NIBAN2: variants seen among roughly 807,000 people sequenced by gnomAD.
The protein encoded by NIBAN2 is protein Niban 2.
NIBAN2 carries 36 observed loss-of-function variants against 81.8 expected under a neutral mutation model. That is an observed-to-expected ratio of 0.44 (90% CI 0.34 to 0.58). The LOEUF (loss-of-function observed/expected upper bound fraction) is 0.58, where lower values mean the gene tolerates loss of function less well. Ranked by LOEUF, NIBAN2 falls within the 20% of genes least tolerant of loss-of-function variation. NIBAN2 has a pLI of 0.02. For synonymous variants in NIBAN2, 445 were observed against 441.6 expected (o/e 1.01, Z -0.10); for missense variants, 897 against 1,014.1 (o/e 0.88, Z 1.57).
At chr9:127,573,238 A>AG (rs1366905158), upstream of NIBAN2, among the ~76,000 whole-genome samples, 1 of 151,764 alleles carries the variant, frequency 6.6e-6, no homozygotes, top group African/African-American at 2.4e-5. Flanking sequence ...GCAGGGAAGG[A>AG]GGGGTGGGCC....
At chr9:127,567,073 G>A (rs1242231258) in intron 1 of NIBAN2, among the ~76,000 whole-genome samples, 1 of 152,200 alleles carries the variant, frequency 6.6e-6, no homozygotes, top group Non-Finnish European at 1.5e-5. Flanking sequence ...ACCCTCTCCA[G>A]TAAAGGACAC....
At chr9:127,544,019 C>T (rs1837427458) in intron 1 of NIBAN2, among the ~76,000 whole-genome samples, 1 of 152,174 alleles carries the variant, frequency 6.6e-6, no homozygotes, top group African/African-American at 2.4e-5. Flanking sequence ...AAGTGACTTT[C>T]CCGATACTAC....
At chr9:127,531,830 T>C (rs753781374) in intron 1 of NIBAN2, 52 bp from the exon 2 acceptor site, 1 of 1,607,914 alleles carries the variant, frequency 6.2e-7, no homozygotes, top group Non-Finnish European at 8.5e-7. Context: ...TGCTGATGCA[T>C]CACGATCCTT....
At position 127,510,254 on chromosome 9, in the gene NIBAN2, C is replaced by G. The variant is rs1414408132; in HGVS notation, c.1053G>C (p.Met351Ile). ...CAGTGAAGCCCTGGCTGGTGGGGAC[C>G]ATCAGGGCCTCCAGGATGGATGGGA... ...PYIPSILEAL[M>I]VPTSQGFTEV... Residue 351 changes from methionine to isoleucine, a missense_variant, in exon 9 of 14, where the codon ATG (methionine) becomes ATC (isoleucine). Physicochemically the swap from Met to Ile is conservative, Grantham distance 10. Transcript: ENST00000373312. 8.1e-6 allele frequency: 13 copies of G among 1,614,044 alleles called. No individual in the cohort carries two copies. The highest frequency in any genetic ancestry group is 1.1e-5 in the Non-Finnish European group (13 of 1,179,930).
At chr9:127,542,495 G>A (rs1160152979) in intron 1 of NIBAN2, among the ~76,000 whole-genome samples, 2 of 152,322 alleles carry the variant, frequency 1.3e-5, no homozygotes, top group Non-Finnish European at 2.9e-5. Flanking sequence ...ACCCCCAAAA[G>A]AGAGCCACGA....
At position 127,509,084 on chromosome 9, in the gene NIBAN2, C is replaced by G. The variant is rs1277926473; in HGVS notation, c.1209G>C (p.Gln403His). 6.2e-7 allele frequency: 1 copy of G among 1,613,456 alleles called. No individual in the cohort carries two copies. The highest frequency in any genetic ancestry group is 1.1e-5 in the South Asian group (1 of 91,056). ...SRLAYHPLKM[Q>H]SCYEKMESLR... ...GCGACTCCATCTTCTCATAGCAGCT[C>G]TGCATCTTCAGGGGGTGGTACGCCA... Residue 403 changes from glutamine (Q) to histidine (H), a missense_variant, in exon 10 of 14, where the codon CAG becomes CAC. Physicochemically the swap from Gln to His is conservative, Grantham distance 24 (BLOSUM62 0). Around this residue, in one of 3 missense-constraint regions of NIBAN2, gnomAD observed 619 missense variants for 691.0 expected, o/e 0.90. Coordinates refer to ENST00000373312, the MANE Select transcript of NIBAN2 (RefSeq NM_022833.4).
At chr9:127,523,010 C>T (rs1002625001) in intron 5 of NIBAN2, among the ~76,000 whole-genome samples, 22 of 150,942 alleles carry the variant, frequency 1.5e-4, no homozygotes, top group African/African-American at 4.4e-4. Context: ...TTGTTGCACA[C>T]CCAGTGCCTA....
chr9:127,562,830 C>T (rs780003607), intron 1 of NIBAN2, among the ~76,000 whole-genome samples: 3 of 152,104 alleles, frequency 2.0e-5, no homozygotes, highest in Non-Finnish European at 2.9e-5. Flanking sequence ...GGAAAGTGAC[C>T]CTCTGTCCTC....
intron 1 of NIBAN2, among the ~76,000 whole-genome samples, chr9:127,562,808 G>C (rs567127932): frequency 2.6e-5 from 4 of 152,258 alleles, no homozygotes; most frequent in Admixed American, 2.0e-4. Context: ...TCCAGCATTA[G>C]GGAAAAAGCT....
At chr9:127,560,708 C>T (rs1837758833) in intron 1 of NIBAN2, among the ~76,000 whole-genome samples, 3 of 152,190 alleles carry the variant, frequency 2.0e-5, no homozygotes, top group Admixed American at 1.3e-4. Flanking sequence ...AGCACAGCGC[C>T]GGGCACACAG....
intron 8 of NIBAN2, among the ~76,000 whole-genome samples, chr9:127,514,503 C>T (rs1368644075): frequency 3.9e-5 from 6 of 152,178 alleles, no homozygotes; most frequent in Admixed American, 3.9e-4. Context: ...GAGGTGTCAG[C>T]AGTGTTCTGC....
intron 1 of NIBAN2, among the ~76,000 whole-genome samples, chr9:127,567,757 A>G (rs2249101): frequency 0.75 from 114,773 of 152,142 alleles, 43,488 homozygotes; most frequent in African/African-American, 0.8. Context: ...GTCACCCCAC[A>G]TACAAGTGCC....
rs531760948 is a variant in NIBAN2, at chr9:127,538,111, C to T, written c.56-6333G>A. On this transcript the variant is annotated intron_variant, in intron 1 of 13. Transcript: ENST00000373312. Reference sequence around the variant, plus strand: ...ACACACTTGTGGGTTTGTTGTGGAGCTGAGAGCCAACCCTTTCAGCAAGTT... The same window carrying T: ...ACACACTTGTGGGTTTGTTGTGGAGTTGAGAGCCAACCCTTTCAGCAAGTT... Among the ~76,000 whole-genome samples the T allele has an allele frequency of 1.6e-4, 25 of 152,310 alleles. No individual in the cohort carries two copies. The East Asian group carries it at 4.8e-3, about 29-fold the overall frequency.
intron 3 of NIBAN2, among the ~76,000 whole-genome samples, chr9:127,525,863 A>C (rs1033430068): frequency 6.6e-6 from 1 of 152,108 alleles, no homozygotes; most frequent in Non-Finnish European, 1.5e-5. Context: ...TGCCCCCACC[A>C]ATTTCCTAGG....
At chr9:127,554,125 G>A (rs956221827) in intron 1 of NIBAN2, among the ~76,000 whole-genome samples, 1 of 152,196 alleles carries the variant, frequency 6.6e-6, no homozygotes, top group Non-Finnish European at 1.5e-5. Context: ...CACAGACAGA[G>A]CCTACCTAAC....
chr9:127,516,837 G>A lies in NIBAN2; in HGVS notation c.973+20C>T. 1 of 1,603,908 alleles carries A rather than the reference G, an allele frequency of 6.2e-7. No homozygotes were observed. Among genetic ancestry groups the A allele is most frequent in the Non-Finnish European group, 8.5e-7 (1 of 1,171,560 alleles). ...CCTTGGCCCCTGGAGGGCCCGTCGA[G>A]CACGGGGGTGGCTGCCTACCTCGGA... On this transcript the variant is annotated intron_variant, in intron 8 of 13. Coordinates refer to ENST00000373312, the MANE Select transcript of NIBAN2 (RefSeq NM_022833.4).
chr9:127,545,422 G>T lies in NIBAN2; in HGVS notation c.56-13644C>A, dbSNP rs1837454022. On this transcript the variant is annotated intron_variant, in intron 1 of 13. Transcript: ENST00000373312. This position sits in a 1 kb window ranked among gnomAD's most constrained non-coding sequence, Gnocchi z 4.7. The stretch of plus-strand genomic sequence containing the variant: ...CCCAGCTCCCGCCAGGCCCAGGGGG[G>T]TGCTTGATAAACAAGTGCCGAACAA... Among the ~76,000 whole-genome samples the T allele has an allele frequency of 6.6e-6, 1 of 152,112 alleles. No homozygotes were observed. The highest frequency in any genetic ancestry group is 2.4e-5 in the African/African-American group (1 of 41,424).
At position 127,507,219 on chromosome 9, in the gene NIBAN2, C is replaced by T; in HGVS notation, c.1867G>A (p.Val623Ile). Residue 623 changes from valine to isoleucine, a missense_variant, in exon 14 of 14, where the codon GTC becomes ATC. Coordinates refer to ENST00000373312, the MANE Select transcript of NIBAN2 (RefSeq NM_022833.4). This position sits in a 1 kb window ranked among gnomAD's most constrained non-coding sequence, Gnocchi z 6.8. Reference sequence around the variant, plus strand: ...ACCTCCTCATCCTGGACCACAGAGACCACCTGCTTGGCGCGCCGTCGCTTT... The same window carrying T: ...ACCTCCTCATCCTGGACCACAGAGATCACCTGCTTGGCGCGCCGTCGCTTT... ...SEKRRRAKQV[V>I]SVVQDEEVGL... 1 of 1,612,490 alleles carries T rather than the reference C, an allele frequency of 6.2e-7. No homozygotes were observed. The highest frequency in any genetic ancestry group is 8.5e-7 in the Non-Finnish European group (1 of 1,179,316).
intron 1 of NIBAN2, among the ~76,000 whole-genome samples, chr9:127,535,577 C>T (rs1240564381): frequency 2.0e-5 from 3 of 152,122 alleles, no homozygotes; most frequent in Non-Finnish European, 4.4e-5. Context: ...CCTGGACCAG[C>T]GCAGTGCTGC....
Sources: gnomAD v4.1 joint callset for allele counts (sites outside exome capture counted in the v4.1 genomes callset) on GRCh38, gnomAD v4.1.1 for gene constraint, gnomAD v4.1.1 regional missense constraint, Gnocchi (gnomAD v3.1) non-coding constraint, MANE v1.5 for transcripts, NCBI Gene and HGNC (gene_info 2026-07-23, HGNC 2026-07-21) for gene names.